The following ST18 variants were observed in gnomAD, a reference collection of about 807,000 sequenced individuals.
ST18 encodes the protein ST18 C2H2C-type zinc finger transcription factor.
Under a neutral mutation model 110.0 loss-of-function variants are expected in ST18, and 50 were observed. That is an observed-to-expected ratio of 0.45 (90% CI 0.36 to 0.58). ST18 has a LOEUF of 0.58. Among genes scored for constraint, ST18 ranks in the 20% least tolerant of loss-of-function variants. ST18 has a pLI of 0.00. For missense variants in ST18, 1,306 were observed against 1,280.1 expected, an observed-to-expected ratio of 1.02 and a Z score of -0.31; for synonymous variants, 461 against 452.4, an observed-to-expected ratio of 1.02 and a Z score of -0.24.
intron 2 of ST18, among the ~76,000 whole-genome samples, chr8:52,315,249 C>T (rs1340069713): frequency 1.3e-5 from 2 of 152,184 alleles, no homozygotes; most frequent in Non-Finnish European, 2.9e-5. Flanking sequence ...CATGGTGATC[C>T]TCTCTTCTGA....
chr8:52,120,541 G>A (rs1164182538), intron 23 of ST18, among the ~76,000 whole-genome samples: 1 of 152,128 alleles, frequency 6.6e-6, no homozygotes. Context: ...GCCAGCAGCT[G>A]AGCATCCAAG....
intron 2 of ST18, among the ~76,000 whole-genome samples, chr8:52,295,708 T>A (rs1380837076): frequency 1.1e-5 from 1 of 91,090 alleles, no homozygotes; most frequent in Non-Finnish European, 2.0e-5. Context: ...TCTCTTTTTT[T>A]CCTTTTTTTT....
At chr8:52,132,951 C>T in intron 21 of ST18, 106 bp downstream of exon 21, 4 of 1,279,886 alleles carry the variant, frequency 3.1e-6, no homozygotes, top group Non-Finnish European at 3.3e-6. Context: ...TAATAGGGTA[C>T]ACCTTCCCTG....
At chr8:52,392,306 G>A (rs982935843) in intron 2 of ST18, among the ~76,000 whole-genome samples, 1 of 152,084 alleles carries the variant, frequency 6.6e-6, no homozygotes, top group Admixed American at 6.5e-5. Flanking sequence ...TAAGTGGGGA[G>A]TGGTGGTGGT....
chr8:52,148,931 T>C (rs1207599187), intron 16 of ST18, among the ~76,000 whole-genome samples: 5 of 152,240 alleles, frequency 3.3e-5, no homozygotes, highest in South Asian at 2.1e-4. Flanking sequence ...ACATATCAAC[T>C]GGCAAGCCCA....
In ST18 at chr8:52,316,555, T is replaced by C. The variant is rs1215223956; in HGVS notation, c.-464-86478A>G. On this transcript the variant is annotated intron_variant, in intron 2 of 25. Coordinates refer to ENST00000689386, the MANE Select transcript of ST18 (RefSeq NM_001352837.2). ...TATGAACTTCATTACTTTGTTATAG[T>C]TTTGTCCATAAGGATGATGGTTATT... 2.0e-5 allele frequency among the ~76,000 whole-genome samples: 3 copies of C among 152,346 alleles called. No individual in the cohort carries two copies. In the East Asian group the frequency reaches 5.8e-4, roughly 29 times the overall value.
At chr8:52,232,687 C>T (rs2091756385) in intron 2 of ST18, among the ~76,000 whole-genome samples, 1 of 152,004 alleles carries the variant, frequency 6.6e-6, no homozygotes, top group Non-Finnish European at 1.5e-5. Context: ...GTAAATATCT[C>T]TGTGATAAAG....
chr8:52,220,520 T>G (rs1473607892), intron 5 of ST18: 3 of 152,168 alleles, frequency 2.0e-5, no homozygotes, highest in Non-Finnish European at 4.4e-5. Flanking sequence ...TGCAAAACGG[T>G]TTGTAGGCTC....
intron 23 of ST18, among the ~76,000 whole-genome samples, chr8:52,124,654 C>T (rs1260489259): frequency 2.6e-5 from 4 of 152,122 alleles, no homozygotes; most frequent in Non-Finnish European, 5.9e-5. Flanking sequence ...GTCAGAACAT[C>T]TAGTGAAAAG....
chr8:52,330,602 G>T (rs1278832119), intron 2 of ST18, among the ~76,000 whole-genome samples: 1 of 152,242 alleles, frequency 6.6e-6, no homozygotes, highest in Non-Finnish European at 1.5e-5. Context: ...TACTTTGATG[G>T]CTAGGTTGGA....
chr8:52,182,738 A>G (rs2070304744), intron 8 of ST18, among the ~76,000 whole-genome samples: 1 of 152,182 alleles, frequency 6.6e-6, no homozygotes, highest in South Asian at 2.1e-4. Flanking sequence ...CCTAGAGTCA[A>G]CAATAGTGTA....
chr8:52,226,626 T>C (rs2089543249), intron 3 of ST18, among the ~76,000 whole-genome samples: 1 of 152,240 alleles, frequency 6.6e-6, no homozygotes, highest in Non-Finnish European at 1.5e-5. Flanking sequence ...ATAAAAGTTA[T>C]TCTCAGTTTT....
At chr8:52,255,051 A>G (rs930100769) in intron 2 of ST18, among the ~76,000 whole-genome samples, 6 of 152,254 alleles carry the variant, frequency 3.9e-5, no homozygotes, top group African/African-American at 1.4e-4. Flanking sequence ...GCCCCAAGCT[A>G]TAAGTAAATA....
At chr8:52,388,857 C>G (rs7004370) in intron 2 of ST18, among the ~76,000 whole-genome samples, 102,632 of 135,576 alleles carry the variant, frequency 0.76, 39,974 homozygotes, top group South Asian at 0.87. Context: ...GGAGATATAC[C>G]TAATGCTAAA....
At chr8:52,189,031 A>T (rs1173318199) in intron 8 of ST18, among the ~76,000 whole-genome samples, 2 of 152,120 alleles carry the variant, frequency 1.3e-5, no homozygotes, top group Non-Finnish European at 2.9e-5. Flanking sequence ...AGAAATATAA[A>T]ATCCTAAGAG....
intron 8 of ST18, among the ~76,000 whole-genome samples, chr8:52,208,812 C>T (rs569992056): frequency 2.3e-4 from 34 of 146,550 alleles, no homozygotes; most frequent in Non-Finnish European, 3.2e-4. Flanking sequence ...AGTGAGGCTT[C>T]GCCAAAATAA....
intron 2 of ST18, among the ~76,000 whole-genome samples, chr8:52,268,435 TTCTG>T (rs766524648): frequency 2.6e-4 from 39 of 152,246 alleles, no homozygotes; most frequent in Non-Finnish European, 4.3e-4. Context: ...AGAGAAGAGC[TTCTG>T]TCTATCTATC....
rs2040964418 is a variant in ST18 at position 52,112,993 on chromosome 8, TTGAC to T, written c.*201_*204del. 3 of 422,860 alleles carry T rather than the reference TTGAC, an allele frequency of 7.1e-6. No homozygotes were observed. Among genetic ancestry groups the T allele is most frequent in the Non-Finnish European group, 1.2e-5 (3 of 246,754 alleles). 26.2% of individuals were successfully genotyped at this position (422,860 alleles called of 1,614,324 possible). ...TATGAAAATAAATAAGATCTAATAA[TTGAC>T]TGCATTGCTTTTAATCCAAGAAGTC... On this transcript the variant is annotated 3_prime_UTR_variant, in exon 26 of 26. Coordinates refer to ENST00000689386, the MANE Select transcript of ST18 (RefSeq NM_001352837.2).
At position 52,317,331 on chromosome 8, in the gene ST18, G is replaced by A. The variant is rs148219588; in HGVS notation, c.-464-87254C>T. Among the ~76,000 whole-genome samples the A allele has an allele frequency of 6.1e-3, 924 of 152,286 alleles. 7 individuals carry two copies. Among genetic ancestry groups the A allele is most frequent in the African/African-American group, 0.021 (866 of 41,552 alleles). On this transcript the variant is annotated intron_variant, in intron 2 of 25. Transcript: ENST00000689386. ...ATACACAGACACAAAGGGGAAGGCC[G>A]TGTGAATGAAGGTGAAGCAGAGTTT... is the stretch of plus-strand genomic sequence containing the variant.
Sources: gnomAD v4.1 joint callset for allele counts (sites outside exome capture counted in the v4.1 genomes callset) on GRCh38, gnomAD v4.1.1 for gene constraint, MANE v1.5 for transcripts, NCBI Gene and HGNC (gene_info 2026-07-23, HGNC 2026-07-21) for gene names.